PIK3R3: variants seen among roughly 807,000 people sequenced by gnomAD.
The protein encoded by PIK3R3 is phosphatidylinositol 3-kinase regulatory subunit gamma.
PIK3R3 carries 64 observed loss-of-function variants against 62.9 expected under a neutral mutation model. The observed-to-expected ratio is 1.02, with a 90% CI of 0.83 to 1.25. PIK3R3 has a LOEUF of 1.25. Among genes scored for constraint, PIK3R3 ranks in the 50% most tolerant of loss-of-function variants. The probability of loss-of-function intolerance (pLI) is 0.00; values close to 1 mark genes in which losing one functional copy is unlikely to be tolerated. For synonymous variants in PIK3R3, 165 were observed against 189.0 expected, an observed-to-expected ratio of 0.87 and a Z score of 1.04; for missense variants, 614 against 561.6, an observed-to-expected ratio of 1.09 and a Z score of -0.94.
intron 6 of PIK3R3, among the ~76,000 whole-genome samples, chr1:46,059,659 T>C (rs1351900543): frequency 6.6e-6 from 1 of 151,992 alleles, no homozygotes; most frequent in African/African-American, 2.4e-5. Flanking sequence ...GCCAATGCAG[T>C]GGCACTTGCC....
chr1:46,144,067 G>A, the PIK3R3 span, among the ~76,000 whole-genome samples: 2 of 152,154 alleles, frequency 1.3e-5, no homozygotes, highest in South Asian at 2.1e-4. Flanking sequence ...ATAGCTGGTA[G>A]GGCCTAGGCT....
intron 6 of PIK3R3, among the ~76,000 whole-genome samples, chr1:46,057,898 A>T (rs1000091804): frequency 6.6e-6 from 1 of 152,224 alleles, no homozygotes; most frequent in Non-Finnish European, 1.5e-5. Flanking sequence ...AGAAATTTGC[A>T]TAAGTAACAA....
At chr1:46,132,866 C>T (rs1655752290), upstream of PIK3R3, 2 of 1,196,286 alleles carry the variant, frequency 1.7e-6, no homozygotes, top group Non-Finnish European at 2.1e-6. Context: ...GCTCTCTAGG[C>T]TTCGGCTCCC....
At chr1:46,063,748 C>T (rs1172257123) in intron 5 of PIK3R3, among the ~76,000 whole-genome samples, 1 of 152,188 alleles carries the variant, frequency 6.6e-6, no homozygotes, top group Non-Finnish European at 1.5e-5. Context: ...AGCTCCCCTT[C>T]CTTTCTGGGT....
chr1:46,144,540 C>T, the PIK3R3 span, among the ~76,000 whole-genome samples: 114,870 of 152,052 alleles, frequency 0.76, 44,507 homozygotes, highest in Non-Finnish European at 0.86. Flanking sequence ...GAGGCCGAGG[C>T]GGGCGAATCG....
At chr1:46,171,957 C>T in the PIK3R3 span, among the ~76,000 whole-genome samples, 1 of 152,224 alleles carries the variant, frequency 6.6e-6, no homozygotes, top group African/African-American at 2.4e-5. Flanking sequence ...GCTAGGCTGC[C>T]TCCCAGGAGC....
intron 1 of PIK3R3, among the ~76,000 whole-genome samples, chr1:46,106,902 A>C (rs971481873): frequency 6.6e-6 from 1 of 151,992 alleles, no homozygotes. Context: ...CAGCCTCCCA[A>C]GTAGCTGGGA....
At chr1:46,144,753 C>T in the PIK3R3 span, among the ~76,000 whole-genome samples, 3 of 139,938 alleles carry the variant, frequency 2.1e-5, no homozygotes, top group South Asian at 2.4e-4. Context: ...GATGACAGAC[C>T]GAGACTCCAT....
chr1:46,125,669 C>A (rs1655026342), intron 1 of PIK3R3, among the ~76,000 whole-genome samples: 1 of 152,134 alleles, frequency 6.6e-6, no homozygotes. Flanking sequence ...TTGTGTCTGG[C>A]TTCAAAGTCA....
intron 7 of PIK3R3, among the ~76,000 whole-genome samples, chr1:46,048,602 G>A (rs1647178173): frequency 6.6e-6 from 1 of 151,974 alleles, no homozygotes; most frequent in Non-Finnish European, 1.5e-5. Flanking sequence ...AGTGTGAGTT[G>A]AATGAATGCA....
chr1:46,080,627 T>TA lies in PIK3R3; in HGVS notation c.215+14dup. 6.7e-7 allele frequency: 1 copy of TA among 1,483,502 alleles called. No individual in the cohort carries two copies. The highest frequency in any genetic ancestry group is 2.3e-5 in the East Asian group (1 of 44,274). 91.9% of individuals were successfully genotyped at this position (1,483,502 alleles called of 1,614,324 possible). ...TTTAAAAAACTGCATTCAATTACAG[T>TA]AGCATTCTAGTTACCTTGAAATATC... On this transcript the variant is annotated intron_variant, in intron 2 of 9. Transcript: ENST00000262741.
At chr1:46,090,385 G>A (rs2149427004) in intron 1 of PIK3R3, among the ~76,000 whole-genome samples, 1 of 152,004 alleles carries the variant, frequency 6.6e-6, no homozygotes, top group African/African-American at 2.4e-5. Context: ...AGGATGGAGT[G>A]CGGTGGCGCA....
chr1:46,173,561 A>T, the PIK3R3 span, among the ~76,000 whole-genome samples: 2 of 152,176 alleles, frequency 1.3e-5, no homozygotes, highest in African/African-American at 4.8e-5. Context: ...CTCAGCCACC[A>T]GGGAACTCTG....
At chr1:46,163,391 G>A in the PIK3R3 span, among the ~76,000 whole-genome samples, 1 of 152,234 alleles carries the variant, frequency 6.6e-6, no homozygotes, top group Non-Finnish European at 1.5e-5. Flanking sequence ...CAATGCCAGA[G>A]ACTGAGGTAG....
At chr1:46,092,947 A>G (rs906056854) in intron 1 of PIK3R3, among the ~76,000 whole-genome samples, 4 of 152,152 alleles carry the variant, frequency 2.6e-5, no homozygotes, top group African/African-American at 4.8e-5. Flanking sequence ...CTCGGCTAAT[A>G]AAGAGGGAAA....
the PIK3R3 span, among the ~76,000 whole-genome samples, chr1:46,149,598 G>A: frequency 4.6e-5 from 7 of 152,032 alleles, no homozygotes; most frequent in South Asian, 2.1e-4. Flanking sequence ...GTGCAGTGGC[G>A]CGATCTCAGC....
chr1:46,079,154 G>C (rs752360211), intron 2 of PIK3R3, among the ~76,000 whole-genome samples: 4 of 152,080 alleles, frequency 2.6e-5, no homozygotes, highest in Non-Finnish European at 4.4e-5. Flanking sequence ...GAACAGAGAA[G>C]AGAAAGGGAT....
chr1:46,061,866 A>G, intron 6 of PIK3R3, 63 bp downstream of exon 6: 1 of 1,487,702 alleles, frequency 6.7e-7, no homozygotes, highest in Non-Finnish European at 9.3e-7. Flanking sequence ...CAAGACAGAA[A>G]TTATTGGGGA....
rs1388007818 is a variant in PIK3R3, at chr1:46,042,042, C to T, written c.*1631G>A. Reference sequence around the variant, plus strand: ...AAGATGCAGGTACTGGCTTCTCTAGCTCAGCCAGGGTGCCTGACTGCACAG... The same window carrying T: ...AAGATGCAGGTACTGGCTTCTCTAGTTCAGCCAGGGTGCCTGACTGCACAG... On this transcript the variant is annotated 3_prime_UTR_variant, in exon 10 of 10. Transcript: ENST00000262741. The surrounding 1 kb of genome is among the most constrained non-coding windows in gnomAD (Gnocchi z 4.3). 1.8e-5 allele frequency: 4 copies of T among 222,968 alleles called. No individual in the cohort carries two copies. 13.8% of individuals were successfully genotyped at this position (222,968 alleles called of 1,614,324 possible). A position where few individuals can be genotyped will look rare whatever the true frequency, so the allele number is the denominator to read the frequency against.
Sources: allele counts gnomAD v4.1 joint callset (sites outside exome capture counted in the v4.1 genomes callset), GRCh38; gene constraint gnomAD v4.1.1; non-coding constraint Gnocchi (gnomAD v3.1); transcripts MANE v1.5; gene names NCBI Gene and HGNC (gene_info 2026-07-23, HGNC 2026-07-21).